UBE2D2: variants seen among roughly 807,000 people sequenced by gnomAD.
UBE2D2 encodes ubiquitin-conjugating enzyme E2 D2.
In UBE2D2, 2 loss-of-function variants were observed where a neutral mutation model predicts 24.2. The observed-to-expected ratio is 0.08, with a 90% CI of 0.03 to 0.26. The LOEUF (loss-of-function observed/expected upper bound fraction) is 0.26, where lower values mean the gene tolerates loss of function less well. Ranked by LOEUF, UBE2D2 falls within the 10% of genes least tolerant of loss-of-function variation. The pLI is 1.00. For missense variants in UBE2D2, 44 were observed against 177.6 expected (o/e 0.25, Z 4.28); for synonymous variants, 58 against 56.5 (o/e 1.03, Z -0.12).
chr5:139,598,787 C>T (rs1754010392), intron 1 of UBE2D2, among the ~76,000 whole-genome samples: 1 of 151,610 alleles, frequency 6.6e-6, no homozygotes, highest in South Asian at 2.1e-4. Context: ...GTTTCAAGCT[C>T]CTGGCCTCAA....
In UBE2D2 at chr5:139,603,475, T is replaced by G. The variant is rs1754125519; in HGVS notation, c.88+3040T>G. Among the ~76,000 whole-genome samples the G allele has an allele frequency of 3.3e-5, 5 of 151,636 alleles. No individual in the cohort carries two copies. The Middle Eastern group carries it at 0.01, about 309-fold the overall frequency. ...CTGTCTCTACTAAAAATACAAAAAT[T>G]AGCTGGGCGCGGTGGCGCCTGCCTA... On this transcript the variant is annotated intron_variant, in intron 2 of 6. Coordinates refer to ENST00000398733, the MANE Select transcript of UBE2D2 (RefSeq NM_003339.3).
At chr5:139,531,951 C>T (rs1752603350) in intron 1 of UBE2D2, among the ~76,000 whole-genome samples, 1 of 150,516 alleles carries the variant, frequency 6.6e-6, no homozygotes, top group Non-Finnish European at 1.5e-5. Context: ...CATGCAGCTG[C>T]ACTCCACCCT....
chr5:139,542,117 G>A (rs554509249), intron 1 of UBE2D2, among the ~76,000 whole-genome samples: 1 of 152,276 alleles, frequency 6.6e-6, no homozygotes, highest in African/African-American at 2.4e-5. Flanking sequence ...AACCTGGGAG[G>A]CGGAGGTTGC....
intron 1 of UBE2D2, among the ~76,000 whole-genome samples, chr5:139,585,983 T>C (rs1273851944): frequency 1.4e-5 from 2 of 144,928 alleles, no homozygotes; most frequent in East Asian, 4.1e-4. Context: ...TACAGCTATA[T>C]AGTACCATAT....
At chr5:139,605,591 CAAAAAA>C (rs70988710) in intron 2 of UBE2D2, among the ~76,000 whole-genome samples, 1 of 44,708 alleles carries the variant, frequency 2.2e-5, no homozygotes, top group African/African-American at 8.7e-5. Context: ...GACTCTGTCT[CAAAAAA>C]AAAAAAAAAA....
intron 2 of UBE2D2, among the ~76,000 whole-genome samples, chr5:139,606,322 C>T (rs528241957): frequency 7.2e-5 from 11 of 152,102 alleles, no homozygotes; most frequent in Non-Finnish European, 1.5e-4. Flanking sequence ...CCACCACGAC[C>T]GACTAATTTT....
intron 1 of UBE2D2, among the ~76,000 whole-genome samples, chr5:139,528,826 C>G (rs1752568432): frequency 6.6e-6 from 1 of 152,128 alleles, no homozygotes; most frequent in African/African-American, 2.4e-5. Flanking sequence ...TTCTAGTAGG[C>G]CCAACCACTG....
At chr5:139,611,203 T>C (rs1754312054) in intron 2 of UBE2D2, among the ~76,000 whole-genome samples, 1 of 99,388 alleles carries the variant, frequency 1.0e-5, no homozygotes, top group African/African-American at 3.7e-5. Context: ...TTTTTTTTTT[T>C]GAGATGGAGT....
chr5:139,623,481 G>A lies in UBE2D2; in HGVS notation c.398+20G>A, dbSNP rs1173672186. 1 of 1,578,938 alleles carries A rather than the reference G, an allele frequency of 6.3e-7. No individual in the cohort carries two copies. The highest frequency in any genetic ancestry group is 8.7e-7 in the Non-Finnish European group (1 of 1,151,434). ...AGAAAAGTAAGTATGGCCTCAAGAT[G>A]GAAAGTTATCTGTGGTGGGATGGAG... On this transcript the variant is annotated intron_variant, in intron 6 of 6. Coordinates refer to ENST00000398733, the MANE Select transcript of UBE2D2 (RefSeq NM_003339.3).
In UBE2D2 at chr5:139,627,003, G is replaced by C. The variant is rs554505544; in HGVS notation, c.*202G>C. 2 of 522,832 alleles carry C rather than the reference G, an allele frequency of 3.8e-6. No homozygotes were observed. The allele number at this position is 522,832 out of a possible 1,614,324, so 32.4% of individuals were successfully genotyped here. On this transcript the variant is annotated 3_prime_UTR_variant, in exon 7 of 7. Coordinates refer to ENST00000398733, the MANE Select transcript of UBE2D2 (RefSeq NM_003339.3). ...AATACTGTACTTCTGTACCAACATT[G>C]CCTCCTAGCAGAGAAGTGTGTGTGT... is the stretch of plus-strand genomic sequence containing the variant.
intron 1 of UBE2D2, among the ~76,000 whole-genome samples, chr5:139,579,309 G>A (rs987769914): frequency 2.6e-5 from 4 of 151,972 alleles, no homozygotes; most frequent in East Asian, 1.9e-4. Context: ...CACCACACCC[G>A]GTTTATTTTG....
rs201611675 is a variant in UBE2D2, at chr5:139,565,186, CAT to C, written c.24+3372_24+3373del. 7.8e-3 allele frequency among the ~76,000 whole-genome samples: 1,184 copies of C among 152,300 alleles called. 8 individuals carry two copies. Among genetic ancestry groups the C allele is most frequent in the Middle Eastern group, 0.041 (12 of 294 alleles). ...TTTTTCTAAGAAAAACTACATTTGA[CAT>C]GTGACATCTTCAGGAATTCAATATC... On this transcript the variant is annotated intron_variant, in intron 1 of 6. Coordinates refer to ENST00000398733, the MANE Select transcript of UBE2D2 (RefSeq NM_003339.3).
chr5:139,564,980 G>A (rs534450199), intron 1 of UBE2D2, among the ~76,000 whole-genome samples: 75 of 152,138 alleles, frequency 4.9e-4, no homozygotes, highest in Non-Finnish European at 7.4e-4. Context: ...TCCTAGGCAT[G>A]GATAAGATCA....
At chr5:139,565,489 T>G (rs1367639120) in intron 1 of UBE2D2, among the ~76,000 whole-genome samples, 1 of 152,234 alleles carries the variant, frequency 6.6e-6, no homozygotes, top group Admixed American at 6.5e-5. Flanking sequence ...TTTTAGGTCT[T>G]CAGCCTTGAT....
At chr5:139,592,596 CTTTTT>C (rs34558950) in intron 1 of UBE2D2, among the ~76,000 whole-genome samples, 3 of 104,900 alleles carry the variant, frequency 2.9e-5, no homozygotes, top group African/African-American at 7.4e-5. Flanking sequence ...GTTCAGTAAT[CTTTTT>C]TTTTTTTTTT....
intron 1 of UBE2D2, among the ~76,000 whole-genome samples, chr5:139,566,999 G>T (rs935203094): frequency 1.3e-5 from 2 of 152,074 alleles, no homozygotes; most frequent in African/African-American, 4.8e-5. Flanking sequence ...AGGGATTGGG[G>T]TTCATTAAGT....
At chr5:139,583,595 CTA>C (rs1561510813) in intron 1 of UBE2D2, among the ~76,000 whole-genome samples, 1 of 152,028 alleles carries the variant, frequency 6.6e-6, no homozygotes, top group Non-Finnish European at 1.5e-5. Context: ...AACCCTGTCT[CTA>C]TTAAAAATAC....
chr5:139,592,266 CTT>C (rs1310274409), intron 1 of UBE2D2, among the ~76,000 whole-genome samples: 3 of 152,230 alleles, frequency 2.0e-5, no homozygotes, highest in Non-Finnish European at 2.9e-5. Context: ...AGTCTCATCT[CTT>C]TTTCCAGTTT....
At chr5:139,556,875 C>T (rs1357022537), upstream of UBE2D2, among the ~76,000 whole-genome samples, 2 of 151,532 alleles carry the variant, frequency 1.3e-5, no homozygotes, top group East Asian at 3.9e-4. Context: ...TGCTTTGTCG[C>T]CCAGGCTGGA....
Sources: gnomAD v4.1 joint callset for allele counts (sites outside exome capture counted in the v4.1 genomes callset) on GRCh38, gnomAD v4.1.1 for gene constraint, MANE v1.5 for transcripts, NCBI Gene and HGNC (gene_info 2026-07-23, HGNC 2026-07-21) for gene names.